ESYT2: variants seen among roughly 807,000 people sequenced by gnomAD.
ESYT2 encodes the protein extended synaptotagmin-2.
A neutral mutation model predicts 107.2 loss-of-function variants in ESYT2; 54 were observed. The ratio of observed to expected loss-of-function variants is 0.50; its 90% CI spans 0.40 to 0.63. The LOEUF is 0.63. Ranked by LOEUF, ESYT2 falls within the 30% of genes least tolerant of loss-of-function variation. ESYT2 has a pLI of 0.00. For synonymous variants in ESYT2, 491 were observed against 434.1 expected (o/e 1.13, Z -1.63); for missense variants, 1,020 against 1,094.5 (o/e 0.93, Z 0.96).
chr7:158,743,577 G>A lies in ESYT2; in HGVS notation c.1746C>T (p.Leu582=), dbSNP rs1391774033. Residue 582 remains leucine (L), a synonymous_variant, in exon 17 of 23, where the codon CTC becomes CTT. Coordinates refer to ENST00000275418, the MANE Select transcript of ESYT2 (RefSeq NM_001367773.1). ...EDMTVSQRFQ[L]SNSGPNSTIK... ...TGGTGCTGTTTGGACCCGAGTTACT[G>A]AGCTGGAAGCGCTGGCTCACAGTCA... is the stretch of plus-strand genomic sequence containing the variant. 1.2e-6 allele frequency: 2 copies of A among 1,612,828 alleles called. No homozygotes were observed. The highest frequency in any genetic ancestry group is 2.2e-5 in the East Asian group (1 of 44,628).
At chr7:158,762,614 T>C (rs1191661093) in intron 10 of ESYT2, among the ~76,000 whole-genome samples, 1 of 152,262 alleles carries the variant, frequency 6.6e-6, no homozygotes, top group Non-Finnish European at 1.5e-5. Flanking sequence ...CTATACTAGT[T>C]GTTCAATTGA....
At chr7:158,741,941 T>A (rs762587076) in intron 17 of ESYT2, 45 bp from the exon 18 acceptor site, 190 of 1,532,492 alleles carry the variant, frequency 1.2e-4, no homozygotes, top group Non-Finnish European at 1.6e-4. Context: ...GTGACACTGG[T>A]AACATCCTAA....
intron 14 of ESYT2, among the ~76,000 whole-genome samples, chr7:158,750,377 T>C (rs1837543622): frequency 6.6e-6 from 1 of 151,870 alleles, no homozygotes; most frequent in South Asian, 2.1e-4. Flanking sequence ...TAGGAGAAAA[T>C]AGTAAAGCAG....
At chr7:158,809,851 G>C (rs1056562387) in intron 1 of ESYT2, among the ~76,000 whole-genome samples, 4 of 147,130 alleles carry the variant, frequency 2.7e-5, no homozygotes. Context: ...ACTATAACCT[G>C]GCTGGCTGTT....
At chr7:158,761,229 A>G (rs1267457215) in intron 11 of ESYT2, among the ~76,000 whole-genome samples, 4 of 152,218 alleles carry the variant, frequency 2.6e-5, no homozygotes, top group African/African-American at 9.6e-5. Flanking sequence ...TGTCTGCAAT[A>G]ACGTCAGTTT....
intron 19 of ESYT2, among the ~76,000 whole-genome samples, chr7:158,737,911 C>T (rs1295880372): frequency 6.6e-6 from 1 of 152,122 alleles, no homozygotes; most frequent in African/African-American, 2.4e-5. Flanking sequence ...TTAACAAATG[C>T]AATTAATGCA....
intron 4 of ESYT2, 39 bp from the exon 5 acceptor site, chr7:158,788,456 G>A (rs778510583): frequency 2.0e-6 from 3 of 1,510,368 alleles, no homozygotes; most frequent in South Asian, 2.4e-5. Context: ...TAAGTGAAAT[G>A]AACTATTCTC....
intron 1 of ESYT2, among the ~76,000 whole-genome samples, chr7:158,803,492 T>G (rs1175619487): frequency 6.6e-6 from 1 of 152,342 alleles, no homozygotes; most frequent in South Asian, 2.1e-4. Flanking sequence ...ACTACAGGTT[T>G]ACTTAAACAG....
chr7:158,741,422 A>C lies in ESYT2; in HGVS notation c.2168+101T>G, dbSNP rs1390390931. 10 of 1,475,252 alleles carry C rather than the reference A, an allele frequency of 6.8e-6. No homozygotes were observed. In the Admixed American group the frequency reaches 1.4e-4, roughly 21 times the overall value. 91.4% of individuals were successfully genotyped at this position (1,475,252 alleles called of 1,614,324 possible). A position where few individuals can be genotyped will look rare whatever the true frequency, so the allele number is the denominator to read the frequency against. On this transcript the variant is annotated intron_variant, in intron 18 of 22. Coordinates refer to ENST00000275418, the MANE Select transcript of ESYT2 (RefSeq NM_001367773.1). ...AAGATTAGGCCTCCCTCCCCAAAGC[A>C]TGCCGGCCTCATGCTCTGCTGCGTT...
chr7:158,748,383 A>G, intron 15 of ESYT2, 103 bp from the exon 16 acceptor site: 2 of 960,826 alleles, frequency 2.1e-6, no homozygotes, highest in East Asian at 2.6e-5. Flanking sequence ...AAGAAAATAA[A>G]TAAAACAAAA....
chr7:158,735,409 C>T, intron 21 of ESYT2, 94 bp downstream of exon 21: 1 of 1,010,110 alleles, frequency 9.9e-7, no homozygotes, highest in Non-Finnish European at 1.5e-6. Context: ...TTCGCCCCTT[C>T]CACTTACACA....
chr7:158,807,522 T>C (rs776321348), intron 1 of ESYT2, among the ~76,000 whole-genome samples: 1 of 152,172 alleles, frequency 6.6e-6, no homozygotes, highest in Non-Finnish European at 1.5e-5. Flanking sequence ...AAACAGTAAA[T>C]AATCAGACAC....
chr7:158,781,161 G>A (rs988794066), intron 6 of ESYT2, among the ~76,000 whole-genome samples: 3 of 152,188 alleles, frequency 2.0e-5, no homozygotes, highest in African/African-American at 7.2e-5. Context: ...AACAGTGTGA[G>A]GTGTGAGGAG....
At chr7:158,775,340 T>A (rs751418976) in intron 6 of ESYT2, among the ~76,000 whole-genome samples, 1 of 151,598 alleles carries the variant, frequency 6.6e-6, no homozygotes, top group East Asian at 1.9e-4. Context: ...GTTTGCTGCA[T>A]TGACTGACTC....
In ESYT2 at chr7:158,824,380, C is replaced by T. The variant is rs75860570; in HGVS notation, c.330+4709G>A. Among the ~76,000 whole-genome samples the T allele has an allele frequency of 4.5e-3, 689 of 152,304 alleles. 43 individuals are homozygous for T. In the East Asian group the frequency reaches 0.12, roughly 26 times the overall value. On this transcript the variant is annotated intron_variant, in intron 1 of 22. Transcript: ENST00000275418. ...AACTATTTTCAGTTACAAGTCTTCA[C>T]AATATTTTATTAAAGTATTAAGTCA...
In ESYT2 at chr7:158,797,598, G is replaced by A. The variant is rs80281196; in HGVS notation, c.507+344C>T. Among the ~76,000 whole-genome samples, 684 of 152,230 alleles carry A rather than the reference G, an allele frequency of 4.5e-3. 40 individuals are homozygous for A. The East Asian group carries it at 0.12, about 26-fold the overall frequency. On this transcript the variant is annotated intron_variant, in intron 3 of 22. Transcript: ENST00000275418. The stretch of plus-strand genomic sequence containing the variant: ...CGGCCAGGCGCGGTGGCTCACACCT[G>A]TAGTCCCAGCACTTTGGGAGGCTGA...
intron 1 of ESYT2, among the ~76,000 whole-genome samples, chr7:158,814,287 TTATATATATATATATA>T (rs58908927): frequency 3.9e-4 from 26 of 66,904 alleles, no homozygotes; most frequent in South Asian, 1.1e-3. Context: ...AAAAAAAAAA[TTATATATATATATATA>T]TATATATATA....
chr7:158,743,598 A>G lies in ESYT2; in HGVS notation c.1725T>C (p.Thr575=). Residue 575 remains threonine (T), a synonymous_variant, in exon 17 of 23, where the codon ACT becomes ACC. Transcript: ENST00000275418. ...LSQLLTSEDM[T]VSQRFQLSNS... ...TACTGAGCTGGAAGCGCTGGCTCAC[A>G]GTCATGTCCTCACTGGTGAGCAGCT... is the stretch of plus-strand genomic sequence containing the variant. The G allele has an allele frequency of 6.2e-7, 1 of 1,613,412 alleles. No homozygotes were observed. Among genetic ancestry groups the G allele is most frequent in the Non-Finnish European group, 8.5e-7 (1 of 1,179,838 alleles).
chr7:158,798,171 G>T, intron 2 of ESYT2, 95 bp from the exon 3 acceptor site: 2 of 1,336,244 alleles, frequency 1.5e-6, no homozygotes, highest in Non-Finnish European at 2.1e-6. Context: ...GACCAAACCT[G>T]GTTTTGAAAA....
Sources: gnomAD v4.1 joint callset for allele counts (sites outside exome capture counted in the v4.1 genomes callset) on GRCh38, gnomAD v4.1.1 for gene constraint, MANE v1.5 for transcripts, NCBI Gene and HGNC (gene_info 2026-07-23, HGNC 2026-07-21) for gene names.